Variants in FLCN observed in about 807,000 individuals in gnomAD.
The protein encoded by FLCN is folliculin, also known as BHD skin lesion fibrofolliculoma protein.
Under a neutral mutation model 62.5 loss-of-function variants are expected in FLCN, and 22 were observed. The ratio of observed to expected loss-of-function variants is 0.35; its 90% CI spans 0.25 to 0.50. The LOEUF (loss-of-function observed/expected upper bound fraction) is 0.50. Ranked by LOEUF, FLCN falls within the 20% of genes least tolerant of loss-of-function variation. The pLI, the probability that FLCN is intolerant of heterozygous loss-of-function variation, is 0.97. For missense variants in FLCN, 657 were observed against 778.0 expected (o/e 0.84, Z 1.85); for synonymous variants, 319 against 310.0 (o/e 1.03, Z -0.30).
chr17:17,222,475 A>G, intron 7 of FLCN, 26 bp downstream of exon 7: 2 of 1,614,116 alleles, frequency 1.2e-6, no homozygotes, highest in Non-Finnish European at 1.7e-6. Flanking sequence ...CCTAACAGAT[A>G]TGCCAAAAGC....
intron 13 of FLCN, 81 bp downstream of exon 13, chr17:17,214,904 G>C: frequency 1.4e-6 from 2 of 1,453,898 alleles, no homozygotes; most frequent in Non-Finnish European, 9.6e-7. Context: ...CAGTGGCCAC[G>C]GCCCAGCTCC....
At chr17:17,226,555 G>A (rs1386202439) in intron 4 of FLCN, among the ~76,000 whole-genome samples, 1 of 152,160 alleles carries the variant, frequency 6.6e-6, no homozygotes, top group African/African-American at 2.4e-5. Flanking sequence ...GAGCACTTAC[G>A]AAGTAGGTAA....
chr17:17,215,139 G>T, intron 12 of FLCN, 46 bp downstream of exon 12: 1 of 1,613,898 alleles, frequency 6.2e-7, no homozygotes, highest in Admixed American at 1.7e-5. Context: ...AGCGCGGGGC[G>T]GGGGCATCTT....
rs1301427098 is a variant in FLCN at position 17,234,281 on chromosome 17, G to A, written c.-227-1380C>T. On this transcript the variant is annotated intron_variant, in intron 1 of 13. Transcript: ENST00000285071. ...GGCTGGAGTGCAGTGCAGCAATCTC[G>A]GATCACTGCCACCTCCGCCTCCCAG... Among the ~76,000 whole-genome samples, 3 of 147,282 alleles carry A rather than the reference G, an allele frequency of 2.0e-5. No individual in the cohort carries two copies. The South Asian group carries it at 6.5e-4, about 32-fold the overall frequency.
At position 17,228,054 on chromosome 17, in the gene FLCN, T is replaced by G; in HGVS notation, c.84A>C (p.Pro28=). ...TLFCTEVLHA[P]LPQGDGNEDS... ...CCTCATTCCCATCCCCTTGAGGAAG[T>G]GGGGCGTGCAGCACCTCCGTGCAGA... The change falls in exon 4 of 14, where the codon CCA becomes CCC. Residue 28 remains proline (P), a synonymous_variant. Transcript: ENST00000285071. 3 of 1,613,772 alleles carry G rather than the reference T, an allele frequency of 1.9e-6. No homozygotes were observed. Among genetic ancestry groups the G allele is most frequent in the Non-Finnish European group, 2.5e-6 (3 of 1,180,034 alleles).
intron 3 of FLCN, among the ~76,000 whole-genome samples, chr17:17,229,749 T>C (rs2047366325): frequency 6.6e-6 from 1 of 152,202 alleles, no homozygotes; most frequent in African/African-American, 2.4e-5. Context: ...CTTAACACAG[T>C]TTCCGGTGGA....
Position 17,213,508 on chromosome 17 carries a change from G to A in FLCN, c.*147C>T. 1 of 1,103,698 alleles carries A rather than the reference G, an allele frequency of 9.1e-7. No homozygotes were observed. The highest frequency in any genetic ancestry group is 1.3e-6 in the Non-Finnish European group (1 of 746,214). The allele number at this position is 1,103,698 out of a possible 1,614,324, so 68.4% of individuals were successfully genotyped here. ...AAGCACACAGGCCCCAAACCTGACA[G>A]GGCCGAGCCCAGCCCTGATGGTTTC... On this transcript the variant is annotated 3_prime_UTR_variant, in exon 14 of 14. Transcript: ENST00000285071.
Position 17,228,153 on chromosome 17 carries a change from G to A in FLCN, c.-16C>T. The A allele has an allele frequency of 6.2e-7, 1 of 1,611,326 alleles. No homozygotes were observed. The highest frequency in any genetic ancestry group is 8.5e-7 in the Non-Finnish European group (1 of 1,179,762). ...TGGCATTCATGGTGCCTTGGAGACT[G>A]CAACAGGCCTGCGTGGGACAGGGGA... On this transcript the variant is annotated 5_prime_UTR_variant, in exon 4 of 14. Transcript: ENST00000285071.
intron 5 of FLCN, chr17:17,224,580 G>T: frequency 3.2e-6 from 1 of 309,540 alleles, no homozygotes. Context: ...TTGTCACCCA[G>T]GCTGGAATGC....
In FLCN at chr17:17,236,984, C is replaced by G. The variant is rs548796445; in HGVS notation, c.-300G>C. ...GGTCCCGCTCTGGGTCCCAGCCCCG[C>G]CCCTGACTGCGCTGGGTAGGTGGTC... On this transcript the variant is annotated 5_prime_UTR_variant, in exon 1 of 14. Transcript: ENST00000285071. 2 of 152,278 alleles carry G rather than the reference C, an allele frequency of 1.3e-5. No individual in the cohort carries two copies. The highest frequency in any genetic ancestry group is 4.8e-5 in the African/African-American group (2 of 41,486). The allele number at this position is 152,278 out of a possible 1,614,324, so 9.4% of individuals were successfully genotyped here.
chr17:17,235,132 C>G (rs1022875207), intron 1 of FLCN, among the ~76,000 whole-genome samples: 2 of 140,124 alleles, frequency 1.4e-5, no homozygotes, highest in African/African-American at 5.3e-5. Flanking sequence ...AAAAAAAAAG[C>G]CAGGCATGGT....
chr17:17,213,497 C>G lies in FLCN; in HGVS notation c.*158G>C. 2 of 984,118 alleles carry G rather than the reference C, an allele frequency of 2.0e-6. No individual in the cohort carries two copies. The highest frequency in any genetic ancestry group is 3.1e-6 in the Non-Finnish European group (2 of 643,274). 61.0% of individuals were successfully genotyped at this position (984,118 alleles called of 1,614,324 possible). A position where few individuals can be genotyped will look rare whatever the true frequency, so the allele number is the denominator to read the frequency against. ...GAGAGTCTGGGAAGCACACAGGCCC[C>G]AAACCTGACAGGGCCGAGCCCAGCC... On this transcript the variant is annotated 3_prime_UTR_variant, in exon 14 of 14. Transcript: ENST00000285071.
intron 9 of FLCN, among the ~76,000 whole-genome samples, chr17:17,218,150 C>T (rs1023018279): frequency 6.6e-6 from 1 of 152,118 alleles, no homozygotes; most frequent in African/African-American, 2.4e-5. Flanking sequence ...GGCAGCCTGC[C>T]CTTGTAATCC....
In FLCN at chr17:17,219,127, T is replaced by G; in HGVS notation, c.954A>C (p.Glu318Asp). The change falls in exon 9 of 14, where the codon GAA (glutamate) becomes GAC (aspartate). Residue 318 changes from glutamate (E) to aspartate (D), a missense_variant. Physicochemically the swap from Glu to Asp is conservative, Grantham distance 45 (BLOSUM62 2). Transcript: ENST00000285071. ...CCGGGCCCTGGGTCAGCTCCCGCCC[T>G]TCTGTACTCTCTGGCAACACAGGGG... is the stretch of plus-strand genomic sequence containing the variant. Reference protein sequence around the residue: ...EKAPVLPESTEGRELTQGPAE... With the variant: ...EKAPVLPESTDGRELTQGPAE... The G allele has an allele frequency of 1.2e-6, 2 of 1,614,202 alleles. No individual in the cohort carries two copies. Among genetic ancestry groups the G allele is most frequent in the Non-Finnish European group, 1.7e-6 (2 of 1,180,040 alleles).
chr17:17,215,571 A>G (rs1567808433), intron 11 of FLCN, among the ~76,000 whole-genome samples: 1 of 152,254 alleles, frequency 6.6e-6, no homozygotes, highest in Non-Finnish European at 1.5e-5. Flanking sequence ...ATATACATCA[A>G]TTTACCTCTG....
At position 17,226,307 on chromosome 17, in the gene FLCN, C is replaced by T. The variant is rs2145014400; in HGVS notation, c.265G>A (p.Ala89Thr). The change falls in exon 5 of 14, where the codon GCT becomes ACT. Residue 89 changes from alanine to threonine, a missense_variant. Ala to Thr is a moderately conservative substitution (Grantham distance 58). Coordinates refer to ENST00000285071, the MANE Select transcript of FLCN (RefSeq NM_144997.7). ...SDMCEGCRSL[A>T]AGHPGYISHD... is the part of the protein sequence containing the mutation. ...CTGATATATCCCGGGTGCCCTGCAG[C>T]AAGTGACCGGCAGCCCTGTCCATGA... The T allele has an allele frequency of 1.2e-6, 2 of 1,614,174 alleles. No individual in the cohort carries two copies. The highest frequency in any genetic ancestry group is 2.2e-5 in the South Asian group (2 of 91,076).
intron 1 of FLCN, 53 bp from the exon 2 acceptor site, chr17:17,232,954 T>A (rs2047466506): frequency 6.6e-6 from 1 of 152,152 alleles, no homozygotes; most frequent in Non-Finnish European, 1.5e-5. Context: ...GAGGCCTTCG[T>A]AGCATGAAAA....
At chr17:17,219,477 A>G in intron 8 of FLCN, 1 of 446,474 alleles carries the variant, frequency 2.2e-6, no homozygotes, top group Non-Finnish European at 4.1e-6. Context: ...AACTCAAATC[A>G]GTAAGAAAAA....
Position 17,212,560 on chromosome 17 carries a change from G to A in FLCN, c.*1095C>T, listed in dbSNP as rs1597571289. On this transcript the variant is annotated 3_prime_UTR_variant, in exon 14 of 14. Coordinates refer to ENST00000285071, the MANE Select transcript of FLCN (RefSeq NM_144997.7). ...AGCACTTTGGGAGGCTGAGGTGGGT[G>A]GATCACCTGAGGTCAGGAGTTTGAG... is the stretch of plus-strand genomic sequence containing the variant. 1 of 172,598 alleles carries A rather than the reference G, an allele frequency of 5.8e-6. No individual in the cohort carries two copies. Among genetic ancestry groups the A allele is most frequent in the East Asian group, 1.0e-4 (1 of 9,570 alleles). The allele number at this position is 172,598 out of a possible 1,614,324, so 10.7% of individuals were successfully genotyped here.
Sources: gnomAD v4.1 joint callset for allele counts (sites outside exome capture counted in the v4.1 genomes callset) on GRCh38, gnomAD v4.1.1 for gene constraint, MANE v1.5 for transcripts, NCBI Gene and HGNC (gene_info 2026-07-23, HGNC 2026-07-21) for gene names.